The following TWIST2 variants were observed in gnomAD, a reference collection of about 807,000 sequenced individuals.
TWIST2 encodes twist-related protein 2.
TWIST2 carries 1 observed loss-of-function variant against 11.6 expected under a neutral mutation model. That is an observed-to-expected ratio of 0.09 (90% CI 0.03 to 0.41). The LOEUF is 0.41. Among genes scored for constraint, TWIST2 ranks in the 10% least tolerant of loss-of-function variants. The pLI, the probability that TWIST2 is intolerant of heterozygous loss-of-function variation, is 0.98. For synonymous variants in TWIST2, 87 were observed against 96.6 expected (o/e 0.90, Z 0.58); for missense variants, 168 against 226.4 (o/e 0.74, Z 1.66).
At chr2:238,853,088 T>C (rs187814449) in intron 1 of TWIST2, among the ~76,000 whole-genome samples, 2 of 152,202 alleles carry the variant, frequency 1.3e-5, no homozygotes, top group East Asian at 1.9e-4. Flanking sequence ...AAATAAAGAA[T>C]AGTATCCCAG....
chr2:238,852,707 G>A (rs148927637), intron 1 of TWIST2, among the ~76,000 whole-genome samples: 1,990 of 152,260 alleles, frequency 0.013, 30 homozygotes, highest in South Asian at 0.058. Flanking sequence ...ACGAGTGTAT[G>A]TAAAACTGGT....
chr2:238,874,136 C>T (rs1015540029), intron 1 of TWIST2, among the ~76,000 whole-genome samples: 6 of 152,208 alleles, frequency 3.9e-5, no homozygotes, highest in Non-Finnish European at 5.9e-5. Flanking sequence ...GGGATGGGAT[C>T]CCATGTGCAA....
intron 1 of TWIST2, among the ~76,000 whole-genome samples, chr2:238,883,557 C>A (rs1692977196): frequency 6.6e-6 from 1 of 152,218 alleles, no homozygotes; most frequent in South Asian, 2.1e-4. Context: ...AGCCTTATCA[C>A]TCCCTATCCT....
rs1458724763 is a variant in TWIST2 at position 238,870,374 on chromosome 2, C to CCCACACACACATCACATACCACACACAAA, written c.*35+21649_*35+21650insACATCACATACCACACACAAACCACACAC. Among the ~76,000 whole-genome samples, 7 of 17,770 alleles carry CCCACACACACATCACATACCACACACAAA rather than the reference C, an allele frequency of 3.9e-4. 1 individual carries two copies. Among genetic ancestry groups the CCCACACACACATCACATACCACACACAAA allele is most frequent in the African/African-American group, 5.7e-4 (2 of 3,532 alleles). 11.7% of individuals were successfully genotyped at this position (17,770 alleles called of 152,430 possible). On this transcript the variant is annotated intron_variant, in intron 1 of 1. Coordinates refer to ENST00000612363, the MANE Select transcript of TWIST2 (RefSeq NM_001271893.4). ...CACACCCCACACACACACCACACAC[C>CCCACACACACATCACATACCACACACAAA]CCACACACCCCACACACCCCACACA...
chr2:238,900,156 G>A (rs1421235342), intron 1 of TWIST2, among the ~76,000 whole-genome samples: 1 of 152,226 alleles, frequency 6.6e-6, no homozygotes. Context: ...CCACATGTCT[G>A]ATGGCTATCG....
chr2:238,904,344 TGTA>T (rs1371737660), intron 1 of TWIST2, among the ~76,000 whole-genome samples: 8 of 145,380 alleles, frequency 5.5e-5, no homozygotes, highest in South Asian at 2.2e-4. Flanking sequence ...GGATGTGTGA[TGTA>T]GTGTGTGTGA....
chr2:238,849,260 C>A (rs1225775948), intron 1 of TWIST2, among the ~76,000 whole-genome samples: 3 of 152,224 alleles, frequency 2.0e-5, no homozygotes, highest in African/African-American at 7.2e-5. Context: ...CAGCTGCTCG[C>A]GCCTGGGGTC....
At position 238,867,184 on chromosome 2, in the gene TWIST2, T is replaced by C. The variant is rs180888590; in HGVS notation, c.*35+18451T>C. ...GAGGGAAGGAGGCTGGCTGTAACAT[T>C]GGAGGGGCCACAACCCCCGAATTTC... On this transcript the variant is annotated intron_variant, in intron 1 of 1. Coordinates refer to ENST00000612363, the MANE Select transcript of TWIST2 (RefSeq NM_001271893.4). This position sits in a 1 kb window ranked among gnomAD's most constrained non-coding sequence, Gnocchi z 4.8. Among the ~76,000 whole-genome samples the C allele has an allele frequency of 0.01, 1,540 of 151,746 alleles. 32 individuals are homozygous for C. The highest frequency in any genetic ancestry group is 0.035 in the African/African-American group (1,440 of 41,360).
chr2:238,894,787 G>A (rs898582196), intron 1 of TWIST2, among the ~76,000 whole-genome samples: 7 of 152,058 alleles, frequency 4.6e-5, no homozygotes, highest in Admixed American at 6.5e-5. Flanking sequence ...CTGCAATCCC[G>A]AATTCTGTGA....
intron 1 of TWIST2, among the ~76,000 whole-genome samples, chr2:238,880,728 T>G (rs920589914): frequency 2.7e-5 from 3 of 111,750 alleles, no homozygotes; most frequent in African/African-American, 1.1e-4. Flanking sequence ...TGTTAGTATC[T>G]ATTAGTATTA....
At chr2:238,871,420 A>C (rs1692697101) in intron 1 of TWIST2, among the ~76,000 whole-genome samples, 2 of 47,152 alleles carry the variant, frequency 4.2e-5, no homozygotes, top group Non-Finnish European at 8.1e-5. Flanking sequence ...CACACACCAC[A>C]ACCCCACACG....
chr2:238,866,677 CG>C lies in TWIST2; in HGVS notation c.*35+17946del, dbSNP rs1692542532. Among the ~76,000 whole-genome samples, 1 of 152,046 alleles carries C rather than the reference CG, an allele frequency of 6.6e-6. No individual in the cohort carries two copies. The highest frequency in any genetic ancestry group is 1.5e-5 in the Non-Finnish European group (1 of 67,978). On this transcript the variant is annotated intron_variant, in intron 1 of 1. Coordinates refer to ENST00000612363, the MANE Select transcript of TWIST2 (RefSeq NM_001271893.4). This position sits in a 1 kb window ranked among gnomAD's most constrained non-coding sequence, Gnocchi z 4.9. ...ACCATGGAAAAAAAAAAGAAAAGCA[CG>C]GCGCCTTCATGTTCCATGCCTTCAC... is the stretch of plus-strand genomic sequence containing the variant.
chr2:238,910,010 C>A lies in TWIST2; in HGVS notation c.*204C>A, dbSNP rs1177472326. ...CCCGGGCTCCCGTCCTCCCCCAGGA[C>A]GGTCCCCACATAGGAAGGGCACTCC... On this transcript the variant is annotated 3_prime_UTR_variant, in exon 2 of 2. Coordinates refer to ENST00000612363, the MANE Select transcript of TWIST2 (RefSeq NM_001271893.4). The A allele has an allele frequency of 2.6e-5, 4 of 152,126 alleles. No homozygotes were observed. Among genetic ancestry groups the A allele is most frequent in the Non-Finnish European group, 5.9e-5 (4 of 68,020 alleles). The allele number at this position is 152,126 out of a possible 1,614,324, so 9.4% of individuals were successfully genotyped here. A position where few individuals can be genotyped will look rare whatever the true frequency, so the allele number is the denominator to read the frequency against.
intron 1 of TWIST2, among the ~76,000 whole-genome samples, chr2:238,901,937 G>T (rs1381104990): frequency 6.6e-6 from 1 of 152,132 alleles, no homozygotes; most frequent in African/African-American, 2.4e-5. Context: ...GTGGGGGTGA[G>T]AGCATTTTTG....
intron 1 of TWIST2, among the ~76,000 whole-genome samples, chr2:238,907,193 C>T (rs916786553): frequency 7.2e-5 from 11 of 152,304 alleles, no homozygotes; most frequent in Admixed American, 3.9e-4. Context: ...GCCACACTCC[C>T]GACCAGGTGC....
intron 1 of TWIST2, among the ~76,000 whole-genome samples, chr2:238,879,753 C>T (rs1692872875): frequency 6.6e-6 from 1 of 152,232 alleles, no homozygotes; most frequent in African/African-American, 2.4e-5. Flanking sequence ...ACAGGCAGTA[C>T]CTGTGGGAAG....
At chr2:238,889,947 TGCCTGGGTGGAGGCTGCCCAGCCTG>T (rs71043168) in intron 1 of TWIST2, among the ~76,000 whole-genome samples, 73,000 of 151,862 alleles carry the variant, frequency 0.48, 17,855 homozygotes, top group Non-Finnish European at 0.52. Context: ...AGAGAAGAGC[TGCCTGGGTGGAGGCTGCCCAGCCTG>T]GCCTGTGCGG....
intron 1 of TWIST2, among the ~76,000 whole-genome samples, chr2:238,852,871 A>C (rs1176699091): frequency 2.0e-5 from 3 of 152,372 alleles, no homozygotes; most frequent in Non-Finnish European, 4.4e-5. Context: ...TCTCAAAATT[A>C]AAATAAAAAA....
chr2:238,858,268 C>A (rs1692365675), intron 1 of TWIST2, among the ~76,000 whole-genome samples: 1 of 152,162 alleles, frequency 6.6e-6, no homozygotes, highest in African/African-American at 2.4e-5. Flanking sequence ...TTAACTAATT[C>A]TGAGAACTTT....
Sources: allele counts gnomAD v4.1 joint callset (sites outside exome capture counted in the v4.1 genomes callset), GRCh38; gene constraint gnomAD v4.1.1; non-coding constraint Gnocchi (gnomAD v3.1); transcripts MANE v1.5; gene names NCBI Gene and HGNC (gene_info 2026-07-23, HGNC 2026-07-21).